CAST: variants seen among roughly 807,000 people sequenced by gnomAD.
The protein encoded by CAST is MIR583 host.
CAST carries 76 observed loss-of-function variants against 119.6 expected under a neutral mutation model. That is an observed-to-expected ratio of 0.64 (90% CI 0.53 to 0.77). The LOEUF is 0.77. CAST is among the 30% of genes least tolerant of loss of function. CAST has a pLI of 0.00. For synonymous variants in CAST, 319 were observed against 331.6 expected, an observed-to-expected ratio of 0.96 and a Z score of 0.41; for missense variants, 953 against 946.5, an observed-to-expected ratio of 1.01 and a Z score of -0.09.
At chr5:96,412,218 C>T in the CAST span, 1 of 1,050,646 alleles carries the variant, frequency 9.5e-7, no homozygotes, top group African/African-American at 1.6e-5. Flanking sequence ...GTTAAGAAAT[C>T]CACAACAATG....
chr5:96,238,325 C>G, the CAST span, among the ~76,000 whole-genome samples: 1,415 of 43,034 alleles, frequency 0.033, 30 homozygotes, highest in African/African-American at 0.079. Context: ...TCTTCTTCTT[C>G]TTCTTCTTCT....
chr5:96,154,732 C>T, the CAST span, among the ~76,000 whole-genome samples: 1 of 152,186 alleles, frequency 6.6e-6, no homozygotes, highest in Non-Finnish European at 1.5e-5. Context: ...CTGTAGAATG[C>T]ACCTCAACTG....
At chr5:96,559,944 C>A (rs561223274) in intron 1 of CAST, among the ~76,000 whole-genome samples, 83 of 152,166 alleles carry the variant, frequency 5.5e-4, no homozygotes, top group African/African-American at 1.9e-3. Context: ...ACACTACCTG[C>A]CTTCAAACTA....
chr5:96,088,492 A>C, the CAST span, among the ~76,000 whole-genome samples: 2 of 152,190 alleles, frequency 1.3e-5, no homozygotes, highest in Non-Finnish European at 2.9e-5. Context: ...CAATGAGAGA[A>C]TGTGTGGCGG....
At chr5:96,247,430 A>G in the CAST span, among the ~76,000 whole-genome samples, 1 of 152,244 alleles carries the variant, frequency 6.6e-6, no homozygotes, top group Non-Finnish European at 1.5e-5. Flanking sequence ...AAGTGGTTGG[A>G]GCAGTTAGTT....
the CAST span, among the ~76,000 whole-genome samples, chr5:96,440,694 G>A: frequency 6.6e-6 from 1 of 152,052 alleles, no homozygotes; most frequent in Non-Finnish European, 1.5e-5. Context: ...TACACATGGG[G>A]GAAATGTCAG....
chr5:96,614,912 T>A (rs548558192), intron 1 of CAST, among the ~76,000 whole-genome samples: 1 of 136,724 alleles, frequency 7.3e-6, no homozygotes, highest in Non-Finnish European at 1.5e-5. Context: ...ATTTGGGCAC[T>A]GGGGAGGCCC....
intron 1 of CAST, among the ~76,000 whole-genome samples, chr5:96,663,822 A>T (rs1862182): frequency 5.3e-5 from 8 of 152,044 alleles, no homozygotes; most frequent in Middle Eastern, 3.4e-3. Flanking sequence ...GGACAAGAAC[A>T]TTCCATTTGT....
At chr5:96,262,530 T>C in the CAST span, among the ~76,000 whole-genome samples, 5 of 152,136 alleles carry the variant, frequency 3.3e-5, no homozygotes, top group African/African-American at 9.6e-5. Flanking sequence ...TTTTGTTGTT[T>C]TGTTTTTGTT....
chr5:96,303,591 C>T, the CAST span, among the ~76,000 whole-genome samples: 2 of 152,056 alleles, frequency 1.3e-5, no homozygotes, highest in Admixed American at 1.3e-4. Context: ...GGTATTTCTC[C>T]TAATGCTATC....
the CAST span, among the ~76,000 whole-genome samples, chr5:96,177,753 A>G: frequency 1.3e-5 from 2 of 152,212 alleles, no homozygotes; most frequent in East Asian, 3.9e-4. Context: ...TGTGAAAACC[A>G]GACAAGTCAA....
intron 2 of CAST, among the ~76,000 whole-genome samples, chr5:96,682,500 C>T (rs59380160): frequency 6.6e-6 from 1 of 152,022 alleles, no homozygotes; most frequent in African/African-American, 2.4e-5. Context: ...AGGATGTACA[C>T]TTTTGTCTGA....
At chr5:96,680,773 G>A (rs26485) in intron 2 of CAST, among the ~76,000 whole-genome samples, 44,456 of 152,106 alleles carry the variant, frequency 0.29, 7,740 homozygotes, top group African/African-American at 0.48. Context: ...GAAGTAATTT[G>A]TGACAGTGTT....
At chr5:96,762,557 A>G (rs576268137) in intron 25 of CAST, 185 bp downstream of exon 25, 4 of 500,436 alleles carry the variant, frequency 8.0e-6, no homozygotes, top group Middle Eastern at 3.2e-4. Flanking sequence ...TGAAATGATT[A>G]AATGAAACTA....
At chr5:96,016,602 A>G in the CAST span, among the ~76,000 whole-genome samples, 2 of 152,102 alleles carry the variant, frequency 1.3e-5, no homozygotes, top group African/African-American at 4.8e-5. Context: ...TCTTGTTTTT[A>G]TACTTTCTCA....
chr5:96,323,851 C>T, the CAST span, among the ~76,000 whole-genome samples: 1 of 152,208 alleles, frequency 6.6e-6, no homozygotes, highest in African/African-American at 2.4e-5. Flanking sequence ...CAGCTCATCT[C>T]TGGCAGAGGT....
At chr5:96,534,728 A>G (rs1003089695) in intron 1 of CAST, among the ~76,000 whole-genome samples, 1 of 16,820 alleles carries the variant, frequency 5.9e-5, no homozygotes, top group Non-Finnish European at 1.4e-4. Flanking sequence ...AGAGAGAGAG[A>G]GAGAGAGAGA....
the CAST span, among the ~76,000 whole-genome samples, chr5:96,500,446 T>C: frequency 6.6e-6 from 1 of 152,234 alleles, no homozygotes; most frequent in African/African-American, 2.4e-5. Flanking sequence ...AGGAATGTTG[T>C]CTGTAATTGA....
the CAST span, among the ~76,000 whole-genome samples, chr5:96,044,697 G>A: frequency 6.6e-6 from 1 of 151,966 alleles, no homozygotes; most frequent in African/African-American, 2.4e-5. Context: ...TTCCAAACTG[G>A]GAACTACTTA....
Sources: gnomAD v4.1 joint callset for allele counts (sites outside exome capture counted in the v4.1 genomes callset) on GRCh38, gnomAD v4.1.1 for gene constraint, MANE v1.5 for transcripts, NCBI Gene and HGNC (gene_info 2026-07-23, HGNC 2026-07-21) for gene names.